GRB7: variants seen among roughly 807,000 people sequenced by gnomAD.
The protein encoded by GRB7 is growth factor receptor bound protein 7, also known as growth factor receptor-bound protein 7.
GRB7 carries 47 observed loss-of-function variants against 64.1 expected under a neutral mutation model. The ratio of observed to expected loss-of-function variants is 0.73; its 90% CI spans 0.58 to 0.94. The LOEUF is 0.94. Ranked by LOEUF, GRB7 falls within the 40% of genes least tolerant of loss-of-function variation. The pLI is 0.00. For synonymous variants in GRB7, 277 were observed against 279.9 expected, an observed-to-expected ratio of 0.99 and a Z score of 0.10; for missense variants, 634 against 718.4, an observed-to-expected ratio of 0.88 and a Z score of 1.34.
Position 39,742,147 on chromosome 17 carries a change from A to G in GRB7, c.-50-105A>G, listed in dbSNP as rs2059999850. 2.3e-5 allele frequency: 18 copies of G among 769,964 alleles called. No homozygotes were observed. The Admixed American group carries it at 2.4e-4, about 10-fold the overall frequency. The allele number at this position is 769,964 out of a possible 1,614,324, so 47.7% of individuals were successfully genotyped here. On this transcript the variant is annotated intron_variant, in intron 1 of 14. Coordinates refer to ENST00000309156, the MANE Select transcript of GRB7 (RefSeq NM_005310.5). ...CATTCTGTCCTTCCCCAAGGGCTTC[A>G]GGGAAACTCCAGTTAGAGCAGTGAG...
chr17:39,745,757 C>A lies in GRB7; in HGVS notation c.1239C>A (p.Pro413=). ...RKKTNHRLSL[P]MPASGTSLSA... is the part of the protein sequence containing the mutation. The stretch of plus-strand genomic sequence containing the variant: ...AGACAAACCACCGCCTCAGCCTGCC[C>A]ATGCCAGCCTCCGGCACGAGCCTCA... Residue 413 remains proline, a synonymous_variant, in exon 12 of 15, where the codon CCC becomes CCA. Coordinates refer to ENST00000309156, the MANE Select transcript of GRB7 (RefSeq NM_005310.5). The A allele has an allele frequency of 6.2e-7, 1 of 1,614,006 alleles. No homozygotes were observed.
In GRB7 at chr17:39,747,120, C is replaced by T. The variant is rs927979964; in HGVS notation, c.*223C>T. 1.4e-5 allele frequency: 8 copies of T among 558,794 alleles called. No homozygotes were observed. The highest frequency in any genetic ancestry group is 1.2e-4 in the South Asian group (5 of 41,462). 34.6% of individuals were successfully genotyped at this position (558,794 alleles called of 1,614,324 possible). On this transcript the variant is annotated 3_prime_UTR_variant, in exon 15 of 15. Coordinates refer to ENST00000309156, the MANE Select transcript of GRB7 (RefSeq NM_005310.5). The stretch of plus-strand genomic sequence containing the variant: ...CTCCTCAAGGGAAGGCCTTGGGTGG[C>T]CCCCTCTCCTTCTCCTAGCTCTGGA...
At chr17:39,743,513 G>T (rs1173800794) in intron 6 of GRB7, 43 bp downstream of exon 6, 14 of 1,489,112 alleles carry the variant, frequency 9.4e-6, no homozygotes, top group Non-Finnish European at 1.3e-5. Flanking sequence ...CGACTCCCCA[G>T]CATTGGCCAG....
Sources: allele counts gnomAD v4.1 joint callset, GRCh38; gene constraint gnomAD v4.1.1; transcripts MANE v1.5; gene names NCBI Gene and HGNC (gene_info 2026-07-23, HGNC 2026-07-21).